The following ZSWIM5 variants were observed in gnomAD, a reference collection of about 807,000 sequenced individuals.
ZSWIM5 encodes the protein zinc finger SWIM domain-containing protein 5.
A neutral mutation model predicts 119.6 loss-of-function variants in ZSWIM5; 55 were observed. The ratio of observed to expected loss-of-function variants is 0.46; its 90% CI spans 0.37 to 0.58. ZSWIM5 has a LOEUF of 0.58. Among genes scored for constraint, ZSWIM5 ranks in the 20% least tolerant of loss-of-function variants. The pLI, the probability that ZSWIM5 is intolerant of heterozygous loss-of-function variation, is 0.00. For synonymous variants in ZSWIM5, 537 were observed against 606.9 expected, an observed-to-expected ratio of 0.88 and a Z score of 1.69; for missense variants, 1,193 against 1,512.8, an observed-to-expected ratio of 0.79 and a Z score of 3.51.
At chr1:45,031,733 G>A (rs538767332) in intron 11 of ZSWIM5, among the ~76,000 whole-genome samples, 19 of 151,638 alleles carry the variant, frequency 1.3e-4, no homozygotes, top group African/African-American at 2.4e-4. Context: ...CCAGCTACTC[G>A]GGAGGCGGAG....
At chr1:45,040,616 G>A (rs1645013298) in intron 6 of ZSWIM5, 78 bp from the exon 7 acceptor site, 1 of 1,360,144 alleles carries the variant, frequency 7.4e-7, no homozygotes, top group Admixed American at 2.4e-5. Context: ...AAGAGAGTTT[G>A]TATTCAGTCC....
rs140992900 is a variant in ZSWIM5 at position 45,153,705 on chromosome 1, G to A, written c.595+52051C>T. 2.7e-3 allele frequency among the ~76,000 whole-genome samples: 407 copies of A among 152,150 alleles called. 3 individuals carry two copies. The highest frequency in any genetic ancestry group is 9.5e-3 in the African/African-American group (395 of 41,532). ...TGGACTGGATAAAGAAAATGTGGTA[G>A]ATAACTTCTATTCAAAATAGTACTG... is the stretch of plus-strand genomic sequence containing the variant. On this transcript the variant is annotated intron_variant, in intron 1 of 13. Coordinates refer to ENST00000359600, the MANE Select transcript of ZSWIM5 (RefSeq NM_020883.2).
chr1:45,205,844 G>T lies in ZSWIM5; in HGVS notation c.507C>A (p.Gly169=). Residue 169 remains glycine (G), a synonymous_variant, in exon 1 of 14, where the codon GGC becomes GGA. Transcript: ENST00000359600. ...GCCCCTCGCCACCGCAGCCGGCCGC[G>T]CCGGCCCCTGCGCCCAGCCCGGGGG... is the stretch of plus-strand genomic sequence containing the variant. ...GASPGLGAGA[G]AAGCGGEGLP... The T allele has an allele frequency of 6.8e-7, 1 of 1,474,474 alleles. No individual in the cohort carries two copies. The highest frequency in any genetic ancestry group is 1.2e-5 in the South Asian group (1 of 81,962). 91.3% of individuals were successfully genotyped at this position (1,474,474 alleles called of 1,614,324 possible). A position where few individuals can be genotyped will look rare whatever the true frequency, so the allele number is the denominator to read the frequency against.
intron 5 of ZSWIM5, among the ~76,000 whole-genome samples, chr1:45,050,125 T>C (rs1187069260): frequency 2.0e-5 from 3 of 152,076 alleles, no homozygotes; most frequent in African/African-American, 7.2e-5. Flanking sequence ...AGGCTGACGG[T>C]GGGCAGATCA....
chr1:45,161,945 C>T (rs1351828186), intron 1 of ZSWIM5, among the ~76,000 whole-genome samples: 6 of 152,090 alleles, frequency 3.9e-5, no homozygotes, highest in Non-Finnish European at 5.9e-5. Context: ...CTATTCAATC[C>T]ATCTCCCACT....
intron 1 of ZSWIM5, 35 bp downstream of exon 1, chr1:45,205,721 G>T (rs1570221495): frequency 6.6e-7 from 1 of 1,510,818 alleles, no homozygotes; most frequent in Non-Finnish European, 8.9e-7. Context: ...GGAAGAGGAG[G>T]CTGAGGACCC....
chr1:45,110,977 A>G (rs1398029995), intron 1 of ZSWIM5, among the ~76,000 whole-genome samples: 1 of 152,238 alleles, frequency 6.6e-6, no homozygotes, highest in Non-Finnish European at 1.5e-5. Flanking sequence ...AAGCCCTTAC[A>G]GTACAGTACC....
intron 2 of ZSWIM5, among the ~76,000 whole-genome samples, chr1:45,087,592 G>T (rs924678911): frequency 6.6e-6 from 1 of 152,080 alleles, no homozygotes; most frequent in African/African-American, 2.4e-5. Flanking sequence ...CTAGGGACAG[G>T]GTCTGCATCG....
chr1:45,036,289 T>C lies in ZSWIM5; in HGVS notation c.1905A>G (p.Glu635=). The C allele has an allele frequency of 6.2e-7, 1 of 1,612,820 alleles. No individual in the cohort carries two copies. Residue 635 remains glutamate (E), a synonymous_variant, in exon 9 of 14, where the codon GAA becomes GAG. Coordinates refer to ENST00000359600, the MANE Select transcript of ZSWIM5 (RefSeq NM_020883.2). ...CATGCTGGTACACAGGGGGTCTGCT[T>C]TCATTCATATCTGAGGGCAACAGGG... ...DGYLEMSDMN[E]SRPPVYQHVP...
chr1:45,062,575 A>G (rs1479059759), intron 2 of ZSWIM5, among the ~76,000 whole-genome samples: 2 of 152,056 alleles, frequency 1.3e-5, no homozygotes, highest in Non-Finnish European at 2.9e-5. Context: ...ATCATGGCTC[A>G]CTGCATCCTC....
At chr1:45,120,715 A>T (rs1313149169) in intron 1 of ZSWIM5, among the ~76,000 whole-genome samples, 1 of 150,290 alleles carries the variant, frequency 6.7e-6, no homozygotes, top group Non-Finnish European at 1.5e-5. Flanking sequence ...GGCTCAAGTG[A>T]TCCTCCTGCC....
chr1:45,087,839 T>C, intron 2 of ZSWIM5, 42 bp downstream of exon 2: 3 of 1,469,502 alleles, frequency 2.0e-6, no homozygotes, highest in Non-Finnish European at 2.8e-6. Context: ...ACAGTGGTGA[T>C]GAAAAAGACC....
intron 1 of ZSWIM5, among the ~76,000 whole-genome samples, chr1:45,177,878 A>G (rs992555203): frequency 6.6e-6 from 1 of 152,094 alleles, no homozygotes; most frequent in Non-Finnish European, 1.5e-5. Flanking sequence ...AGGATTCCAG[A>G]TTGGAAAGGA....
chr1:45,142,517 A>AATTTTTTGT (rs1223387769), intron 1 of ZSWIM5, among the ~76,000 whole-genome samples: 1 of 152,002 alleles, frequency 6.6e-6, no homozygotes, highest in Non-Finnish European at 1.5e-5. Flanking sequence ...ATGCCTGGCT[A>AATTTTTTGT]ATTTTTTGTA....
intron 2 of ZSWIM5, among the ~76,000 whole-genome samples, chr1:45,087,178 C>CA (rs1645335875): frequency 2.6e-5 from 4 of 152,152 alleles, no homozygotes; most frequent in South Asian, 2.1e-4. Flanking sequence ...GCCACTGTGC[C>CA]TGGCCCCTTC....
intron 1 of ZSWIM5, among the ~76,000 whole-genome samples, chr1:45,108,918 A>G (rs904902660): frequency 3.9e-5 from 6 of 152,230 alleles, no homozygotes; most frequent in South Asian, 4.1e-4. Context: ...ATGATATTTT[A>G]TTTCCAACAT....
intron 1 of ZSWIM5, among the ~76,000 whole-genome samples, chr1:45,096,434 T>TGTGTGTGTGTGTG (rs1645402180): frequency 1.4e-5 from 2 of 144,458 alleles, no homozygotes; most frequent in African/African-American, 5.1e-5. Context: ...AGATAACTGT[T>TGTGTGTGTGTGTG]TGTGTGTGTG....
intron 1 of ZSWIM5, among the ~76,000 whole-genome samples, chr1:45,201,529 GTTT>G (rs954210809): frequency 3.9e-5 from 6 of 151,986 alleles, no homozygotes; most frequent in African/African-American, 1.2e-4. Flanking sequence ...TTAATGTCTT[GTTT>G]TTTAATTGCT....
chr1:45,170,786 C>T (rs1381039007), intron 1 of ZSWIM5, among the ~76,000 whole-genome samples: 1 of 148,230 alleles, frequency 6.7e-6, no homozygotes, highest in East Asian at 2.0e-4. Flanking sequence ...CTTTGTTGCC[C>T]AGGCTGCCAG....
Sources: gnomAD v4.1 joint callset for allele counts (sites outside exome capture counted in the v4.1 genomes callset) on GRCh38, gnomAD v4.1.1 for gene constraint, MANE v1.5 for transcripts, NCBI Gene and HGNC (gene_info 2026-07-23, HGNC 2026-07-21) for gene names.